The following MAGI1 variants were observed in gnomAD, a reference collection of about 807,000 sequenced individuals.
The protein encoded by MAGI1 is membrane associated guanylate kinase, WW and PDZ domain containing 1, also known as membrane-associated guanylate kinase, WW and PDZ domain-containing protein 1.
MAGI1 carries 58 observed loss-of-function variants against 139.9 expected under a neutral mutation model. That is an observed-to-expected ratio of 0.41 (90% confidence interval 0.34 to 0.52). The LOEUF is 0.52. Ranked by LOEUF, MAGI1 falls within the 20% of genes least tolerant of loss-of-function variation. The probability of loss-of-function intolerance (pLI) is 0.12; values close to 1 mark genes in which losing one functional copy is unlikely to be tolerated. For synonymous variants in MAGI1, 812 were observed against 737.9 expected, an observed-to-expected ratio of 1.10 and a Z score of -1.63; for missense variants, 1,874 against 1,901.6, an observed-to-expected ratio of 0.99 and a Z score of 0.27.
In MAGI1 at chr3:65,629,365, C is replaced by T. The variant is rs1280837672; in HGVS notation, c.314-7277G>A. On this transcript the variant is annotated intron_variant, in intron 1 of 22. Transcript: ENST00000402939. ...AAGGTCAAAGAATGGTATTTCATTA[C>T]AATTAGAATTGACACTTTAATACAG... is the stretch of plus-strand genomic sequence containing the variant. 2.6e-5 allele frequency among the ~76,000 whole-genome samples: 4 copies of T among 152,156 alleles called. No homozygotes were observed. The East Asian group carries it at 7.7e-4, about 29-fold the overall frequency.
intron 1 of MAGI1, among the ~76,000 whole-genome samples, chr3:65,634,768 AGGG>A (rs1350216900): frequency 6.6e-6 from 1 of 152,212 alleles, no homozygotes; most frequent in African/African-American, 2.4e-5. Context: ...GGCTCAGCTA[AGGG>A]AATGTTGACT....
At chr3:65,440,428 A>G (rs1411657294) in intron 8 of MAGI1, among the ~76,000 whole-genome samples, 4 of 152,122 alleles carry the variant, frequency 2.6e-5, no homozygotes, top group Non-Finnish European at 4.4e-5. Context: ...CCCACTCCAA[A>G]TGTCCAAGAT....
intron 1 of MAGI1, among the ~76,000 whole-genome samples, chr3:65,630,027 A>G (rs2084203045): frequency 6.6e-6 from 1 of 152,216 alleles, no homozygotes. Context: ...CAAAGTTAAA[A>G]TCACCTGTGA....
At chr3:65,364,287 T>A (rs1299744415) in intron 20 of MAGI1, among the ~76,000 whole-genome samples, 2 of 152,018 alleles carry the variant, frequency 1.3e-5, no homozygotes, top group Admixed American at 6.6e-5. Context: ...AGGACAGGCA[T>A]TTTGCTCTAT....
chr3:65,811,042 G>C (rs1047615521), intron 1 of MAGI1, among the ~76,000 whole-genome samples: 3 of 152,162 alleles, frequency 2.0e-5, no homozygotes, highest in African/African-American at 7.2e-5. Flanking sequence ...ACAAACGAAA[G>C]CACACTTGCC....
chr3:65,655,844 T>A (rs1203610854), intron 1 of MAGI1, among the ~76,000 whole-genome samples: 1 of 152,226 alleles, frequency 6.6e-6, no homozygotes, highest in African/African-American at 2.4e-5. Context: ...CCAATTCCAA[T>A]GCCCAGGTAA....
intron 1 of MAGI1, among the ~76,000 whole-genome samples, chr3:65,721,714 T>C (rs1385576655): frequency 6.6e-6 from 1 of 152,138 alleles, no homozygotes; most frequent in South Asian, 2.1e-4. Flanking sequence ...AAAATACTAC[T>C]CCTCTTATTT....
At chr3:65,564,936 G>T (rs2080540190) in intron 2 of MAGI1, among the ~76,000 whole-genome samples, 1 of 152,178 alleles carries the variant, frequency 6.6e-6, no homozygotes, top group Non-Finnish European at 1.5e-5. Flanking sequence ...GCCAGTGGGG[G>T]CTCCATCTCC....
At chr3:66,032,390 T>G (rs1333299886) in intron 1 of MAGI1, among the ~76,000 whole-genome samples, 2 of 147,522 alleles carry the variant, frequency 1.4e-5, no homozygotes, top group African/African-American at 5.0e-5. Flanking sequence ...TTTTTGTTTT[T>G]TTTTTTTTTT....
intron 1 of MAGI1, among the ~76,000 whole-genome samples, chr3:65,788,439 A>G (rs2039538521): frequency 6.6e-6 from 1 of 152,198 alleles, no homozygotes. Context: ...GTATGTACCT[A>G]CATTATGACC....
At chr3:65,949,148 T>C (rs1560044457) in intron 1 of MAGI1, among the ~76,000 whole-genome samples, 1 of 152,210 alleles carries the variant, frequency 6.6e-6, no homozygotes, top group Non-Finnish European at 1.5e-5. Context: ...ACTCCACTTA[T>C]TAAAATGCAA....
At chr3:65,633,562 G>A (rs1272200894) in intron 1 of MAGI1, among the ~76,000 whole-genome samples, 1 of 151,996 alleles carries the variant, frequency 6.6e-6, no homozygotes, top group Non-Finnish European at 1.5e-5. Context: ...TTTTCTCTTG[G>A]TGAATCTTTT....
chr3:65,528,264 A>C (rs1393237304), intron 2 of MAGI1, among the ~76,000 whole-genome samples: 1 of 152,244 alleles, frequency 6.6e-6, no homozygotes, highest in Non-Finnish European at 1.5e-5. Context: ...ATAACATTGC[A>C]AAATTCATCC....
chr3:65,683,657 G>GAT (rs377247002), intron 1 of MAGI1, among the ~76,000 whole-genome samples: 1,937 of 86,296 alleles, frequency 0.022, 29 homozygotes, highest in East Asian at 0.069. Context: ...GACTGAATAG[G>GAT]ATATATATAT....
intron 1 of MAGI1, among the ~76,000 whole-genome samples, chr3:65,830,593 T>C (rs1304473107): frequency 1.3e-5 from 2 of 152,300 alleles, no homozygotes; most frequent in South Asian, 2.1e-4. Context: ...AGACTCCTTA[T>C]CAATAGAGGT....
chr3:65,458,497 A>T (rs753653006), intron 5 of MAGI1, among the ~76,000 whole-genome samples: 1 of 151,926 alleles, frequency 6.6e-6, no homozygotes, highest in Non-Finnish European at 1.5e-5. Flanking sequence ...CTTTTGGATA[A>T]AACCCATTTT....
rs9311958 is a variant in MAGI1 at position 65,775,502 on chromosome 3, C to CAAA, written c.314-153417_314-153415dup. On this transcript the variant is annotated intron_variant, in intron 1 of 22. Transcript: ENST00000402939. ...TTTTTTCTCTTCTCACCCACTCTGC[C>CAAA]AAAAAAAAAAAAAAAAAAAAAAAAA... Among the ~76,000 whole-genome samples the CAAA allele has an allele frequency of 8.2e-5, 3 of 36,604 alleles. 1 individual carries two copies. Among genetic ancestry groups the CAAA allele is most frequent in the East Asian group, 2.5e-3 (2 of 816 alleles). The allele number at this position is 36,604 out of a possible 152,430, so 24.0% of individuals were successfully genotyped here.
intron 1 of MAGI1, among the ~76,000 whole-genome samples, chr3:65,760,148 T>TTCCTCCTCCTCC (rs34314563): frequency 2.0e-5 from 3 of 150,192 alleles, no homozygotes; most frequent in Non-Finnish European, 3.0e-5. Context: ...TGTCTTCAAC[T>TTCCTCCTCCTCC]TCCTCCTCCT....
chr3:65,909,842 G>A lies in MAGI1; in HGVS notation c.313+128154C>T, dbSNP rs192097599. 1.8e-3 allele frequency among the ~76,000 whole-genome samples: 273 copies of A among 152,272 alleles called. 1 individual carries two copies. Among genetic ancestry groups the A allele is most frequent in the African/African-American group, 6.2e-3 (259 of 41,564 alleles). ...ACTAACCTTTTTGGCACCATGGACC[G>A]GTTTGGTGGAAGACAATATTTCCAT... On this transcript the variant is annotated intron_variant, in intron 1 of 22. Coordinates refer to ENST00000402939, the MANE Select transcript of MAGI1 (RefSeq NM_001033057.2).
Sources: allele counts gnomAD v4.1 joint callset (sites outside exome capture counted in the v4.1 genomes callset), GRCh38; gene constraint gnomAD v4.1.1; transcripts MANE v1.5; gene names NCBI Gene and HGNC (gene_info 2026-07-23, HGNC 2026-07-21).